CELSR1: variants seen among roughly 807,000 people sequenced by gnomAD.
CELSR1 encodes adhesion G protein-coupled receptor C1.
A neutral mutation model predicts 249.1 loss-of-function variants in CELSR1; 110 were observed. That is an observed-to-expected ratio of 0.44 (90% CI 0.38 to 0.52). The LOEUF (loss-of-function observed/expected upper bound fraction) is 0.52, where lower values mean the gene tolerates loss of function less well. Ranked by LOEUF, CELSR1 falls within the 20% of genes least tolerant of loss-of-function variation. The pLI is 0.00. For missense variants in CELSR1, 4,109 were observed against 4,296.4 expected (o/e 0.96, Z 1.22); for synonymous variants, 2,113 against 1,900.0 (o/e 1.11, Z -2.92).
At position 46,390,145 on chromosome 22, in the gene CELSR1, C is replaced by A. The variant is rs898510129; in HGVS notation, c.6345+247G>T. Among the ~76,000 whole-genome samples, 3 of 152,150 alleles carry A rather than the reference C, an allele frequency of 2.0e-5. No homozygotes were observed. The highest frequency in any genetic ancestry group is 7.2e-5 in the African/African-American group (3 of 41,424). On this transcript the variant is annotated intron_variant, in intron 17 of 34. Transcript: ENST00000674500. The surrounding 1 kb of genome is among the most constrained non-coding windows in gnomAD (Gnocchi z 6.3). ...ATGCAGGGACCCCGTGTTTTCAGAA[C>A]CAAAGACACAGAGCTGGGTCCTCTG...
chr22:46,507,904 A>ACCCC (rs367636521), intron 1 of CELSR1, among the ~76,000 whole-genome samples: 1 of 151,172 alleles, frequency 6.6e-6, no homozygotes, highest in Non-Finnish European at 1.5e-5. Context: ...ACCTCCTCAC[A>ACCCC]CCCCCCTACC....
intron 2 of CELSR1, among the ~76,000 whole-genome samples, chr22:46,443,556 G>A (rs1430192114): frequency 6.6e-6 from 1 of 152,220 alleles, no homozygotes; most frequent in Non-Finnish European, 1.5e-5. Context: ...GGCGGGCCAT[G>A]TGCACACACA....
In CELSR1 at chr22:46,446,594, G is replaced by A. The variant is rs983588115; in HGVS notation, c.4184-7183C>T. Among the ~76,000 whole-genome samples, 1 of 152,038 alleles carries A rather than the reference G, an allele frequency of 6.6e-6. No homozygotes were observed. Among genetic ancestry groups the A allele is most frequent in the Non-Finnish European group, 1.5e-5 (1 of 68,032 alleles). On this transcript the variant is annotated intron_variant, in intron 2 of 34. Transcript: ENST00000674500. The surrounding 1 kb of genome is among the most constrained non-coding windows in gnomAD (Gnocchi z 5.5). ...GGGCATATGCTGAGCACCTGGCAGGGAGGGTCGCAGGGGGTCGGTGGGGGG... is the reference window on the plus strand; with the variant it reads ...GGGCATATGCTGAGCACCTGGCAGGAAGGGTCGCAGGGGGTCGGTGGGGGG...
intron 24 of CELSR1, among the ~76,000 whole-genome samples, chr22:46,375,784 A>G (rs1423108103): frequency 6.6e-6 from 1 of 152,100 alleles, no homozygotes; most frequent in African/African-American, 2.4e-5. Flanking sequence ...ACCTCAAGTG[A>G]TCTGCCTGCC....
Position 46,375,517 on chromosome 22 carries a change from G to A in CELSR1, c.7584+1544C>T, listed in dbSNP as rs994972115. 8.7e-5 allele frequency among the ~76,000 whole-genome samples: 13 copies of A among 149,676 alleles called. No homozygotes were observed. The East Asian group carries it at 1.2e-3, about 14-fold the overall frequency. On this transcript the variant is annotated intron_variant, in intron 24 of 34. Coordinates refer to ENST00000674500, the MANE Select transcript of CELSR1 (RefSeq NM_001378328.1). Reference sequence around the variant, plus strand: ...ATCAGACTGCTCTGATCTTCTGCCCGTCGTCCACCTGCTGCCAGGCTCTTT... The same window carrying A: ...ATCAGACTGCTCTGATCTTCTGCCCATCGTCCACCTGCTGCCAGGCTCTTT...
chr22:46,389,270 G>A lies in CELSR1; in HGVS notation c.6555+20C>T. On this transcript the variant is annotated intron_variant, in intron 18 of 34. Coordinates refer to ENST00000674500, the MANE Select transcript of CELSR1 (RefSeq NM_001378328.1). ...GTGTCCCCGAGTGTCCCCGAGCCAGGGTGGCGGCCACCCGCCTACCTCGTG... is the reference window on the plus strand; with the variant it reads ...GTGTCCCCGAGTGTCCCCGAGCCAGAGTGGCGGCCACCCGCCTACCTCGTG... 6.2e-7 allele frequency: 1 copy of A among 1,600,694 alleles called. No individual in the cohort carries two copies. The highest frequency in any genetic ancestry group is 8.5e-7 in the Non-Finnish European group (1 of 1,179,420).
intron 1 of CELSR1, among the ~76,000 whole-genome samples, chr22:46,532,560 G>A (rs992521919): frequency 6.6e-6 from 1 of 152,148 alleles, no homozygotes; most frequent in Admixed American, 6.5e-5. Context: ...TTATTCCAGG[G>A]CTCCTGTGGC....
chr22:46,433,436 C>G lies in CELSR1; in HGVS notation c.4568G>C (p.Ser1523Thr), dbSNP rs774998703. The G allele has an allele frequency of 1.1e-5, 17 of 1,613,932 alleles. No individual in the cohort carries two copies. The highest frequency in any genetic ancestry group is 1.3e-5 in the Non-Finnish European group (15 of 1,179,986). Reference sequence around the variant, plus strand: ...CTGCACAGAGTGCCACCGCCCGTCACTCACACCACTGGGAACCTTCGGTGC... The same window carrying G: ...CTGCACAGAGTGCCACCGCCCGTCAGTCACACCACTGGGAACCTTCGGTGC... ...TVAPKVPSGV[S>T]DGRWHSVQVQ... The change falls in exon 5 of 35, where the codon AGT (serine) becomes ACT (threonine). Residue 1523 changes from serine (S) to threonine (T), a missense_variant. Ser to Thr is a moderately conservative substitution (Grantham distance 58). Coordinates refer to ENST00000674500, the MANE Select transcript of CELSR1 (RefSeq NM_001378328.1). The surrounding 1 kb of genome is among the most constrained non-coding windows in gnomAD (Gnocchi z 5.7).
chr22:46,508,801 G>A (rs542852146), intron 1 of CELSR1, among the ~76,000 whole-genome samples: 30 of 152,334 alleles, frequency 2.0e-4, no homozygotes, highest in Non-Finnish European at 3.2e-4. Context: ...CCTGCCGCGT[G>A]AGAATGGTCT....
chr22:46,390,325 A>C lies in CELSR1; in HGVS notation c.6345+67T>G. On this transcript the variant is annotated intron_variant, in intron 17 of 34. Transcript: ENST00000674500. This position sits in a 1 kb window ranked among gnomAD's most constrained non-coding sequence, Gnocchi z 6.3. ...CAGCCCAGGAGCCTCGGCCCACACAAACTCTCTCACGCATACACGAACACA... is the reference window on the plus strand; with the variant it reads ...CAGCCCAGGAGCCTCGGCCCACACACACTCTCTCACGCATACACGAACACA... 7.6e-7 allele frequency: 1 copy of C among 1,311,198 alleles called. No individual in the cohort carries two copies. Among genetic ancestry groups the C allele is most frequent in the Non-Finnish European group, 1.1e-6 (1 of 939,456 alleles). The allele number at this position is 1,311,198 out of a possible 1,614,324, so 81.2% of individuals were successfully genotyped here.
In CELSR1 at chr22:46,434,814, C is replaced by T. The variant is rs868604477; in HGVS notation, c.4523-1333G>A. 7.4e-4 allele frequency among the ~76,000 whole-genome samples: 112 copies of T among 152,104 alleles called. 1 individual carries two copies. Among genetic ancestry groups the T allele is most frequent in the Middle Eastern group, 3.4e-3 (1 of 294 alleles). ...GAGTTCAAGACCAGCCTGGCCAACA[C>T]AGTGAAACCCTGTCTCTACTAAAAA... On this transcript the variant is annotated intron_variant, in intron 4 of 34. Transcript: ENST00000674500. The surrounding 1 kb of genome is among the most constrained non-coding windows in gnomAD (Gnocchi z 4.9).
chr22:46,519,005 C>G (rs2080657576), intron 1 of CELSR1, among the ~76,000 whole-genome samples: 1 of 152,002 alleles, frequency 6.6e-6, no homozygotes, highest in African/African-American at 2.4e-5. Context: ...TGTACTCCAG[C>G]CTGGGTAACG....
chr22:46,411,542 C>G lies in CELSR1; in HGVS notation c.4769+60G>C. On this transcript the variant is annotated intron_variant, in intron 6 of 34. Transcript: ENST00000674500. The surrounding 1 kb of genome is among the most constrained non-coding windows in gnomAD (Gnocchi z 4.2). ...ACGTGGGGCCCTGCCCTGGGAAGGC[C>G]GCAGGGTGAGCATGTTTGGGGGTAC... 6.3e-7 allele frequency: 1 copy of G among 1,597,734 alleles called. No individual in the cohort carries two copies. The highest frequency in any genetic ancestry group is 8.5e-7 in the Non-Finnish European group (1 of 1,171,064).
intron 5 of CELSR1, among the ~76,000 whole-genome samples, chr22:46,426,096 C>T (rs2079533356): frequency 9.8e-6 from 1 of 101,680 alleles, no homozygotes; most frequent in Non-Finnish European, 2.0e-5. Flanking sequence ...TCGGCTAGTA[C>T]CATCAGGGCT....
chr22:46,364,185 C>T lies in CELSR1; in HGVS notation c.8846G>A (p.Arg2949Gln), dbSNP rs941447410. 54 of 1,612,020 alleles carry T rather than the reference C, an allele frequency of 3.3e-5. No homozygotes were observed. Among genetic ancestry groups the T allele is most frequent in the Non-Finnish European group, 4.4e-5 (52 of 1,179,840 alleles). ...ACAGTCGGCCAGCTTCTCCCGGAGC[C>T]GGCCCTTCAGCGTCTGCTCCGTCAG... Reference protein sequence around the residue: ...LTLTEQTLKGRLREKLADCEQ... With the variant: ...LTLTEQTLKGQLREKLADCEQ... The change falls in exon 34 of 35, where the codon CGG becomes CAG. Residue 2949 changes from arginine to glutamine, a missense_variant. This residue lies in a region of CELSR1 where 1,805 missense variants were observed against 1,831.6 expected (regional missense o/e 0.99). Transcript: ENST00000674500.
At chr22:46,384,835 G>C in intron 19 of CELSR1, 149 bp from the exon 20 acceptor site, 1 of 837,634 alleles carries the variant, frequency 1.2e-6, no homozygotes, top group Non-Finnish European at 1.7e-6. Flanking sequence ...TGTCTCCCAG[G>C]CTGGAGTGCA....
Position 46,390,043 on chromosome 22 carries a change from C to G in CELSR1, c.6345+349G>C, listed in dbSNP as rs574154007. On this transcript the variant is annotated intron_variant, in intron 17 of 34. Coordinates refer to ENST00000674500, the MANE Select transcript of CELSR1 (RefSeq NM_001378328.1). The surrounding 1 kb of genome is among the most constrained non-coding windows in gnomAD (Gnocchi z 6.3). Reference sequence around the variant, plus strand: ...AGGGTCTGGTGGGCCAAAGAGGGCTCAGAGAAAGATAGCGAGTGGGAGACG... The same window carrying G: ...AGGGTCTGGTGGGCCAAAGAGGGCTGAGAGAAAGATAGCGAGTGGGAGACG... Among the ~76,000 whole-genome samples, 13 of 152,226 alleles carry G rather than the reference C, an allele frequency of 8.5e-5. No individual in the cohort carries two copies. Among genetic ancestry groups the G allele is most frequent in the Admixed American group, 3.3e-4 (5 of 15,292 alleles).
At chr22:46,431,753 C>T (rs969810692) in intron 5 of CELSR1, among the ~76,000 whole-genome samples, 4 of 152,332 alleles carry the variant, frequency 2.6e-5, no homozygotes, top group East Asian at 1.9e-4. Flanking sequence ...AGCCACAGGA[C>T]GGCACCGTAT....
chr22:46,453,058 G>A (rs2079904711), intron 2 of CELSR1, among the ~76,000 whole-genome samples: 1 of 152,222 alleles, frequency 6.6e-6, no homozygotes, highest in Admixed American at 6.5e-5. Context: ...CTTGGCTCCT[G>A]ATGGTAGGGA....
Sources: gnomAD v4.1 joint callset for allele counts (sites outside exome capture counted in the v4.1 genomes callset) on GRCh38, gnomAD v4.1.1 for gene constraint, gnomAD v4.1.1 regional missense constraint, Gnocchi (gnomAD v3.1) non-coding constraint, MANE v1.5 for transcripts, NCBI Gene and HGNC (gene_info 2026-07-23, HGNC 2026-07-21) for gene names.